Variants in SLC9A9 observed in about 807,000 individuals in gnomAD.
SLC9A9 encodes the protein solute carrier family 9 member A9, also known as sodium/hydrogen exchanger 9.
SLC9A9 carries 62 observed loss-of-function variants against 77.8 expected under a neutral mutation model. The observed-to-expected ratio is 0.80, with a 90% confidence interval of 0.65 to 0.98. The LOEUF (loss-of-function observed/expected upper bound fraction) is 0.98, where lower values mean the gene tolerates loss of function less well. Among genes scored for constraint, SLC9A9 ranks in the 50% least tolerant of loss-of-function variants. SLC9A9 has a pLI of 0.00. For synonymous variants in SLC9A9, 320 were observed against 283.5 expected (o/e 1.13, Z -1.29); for missense variants, 775 against 774.9 (o/e 1.00, Z 0.00).
At chr3:143,309,789 A>G (rs2030949826) in intron 14 of SLC9A9, among the ~76,000 whole-genome samples, 1 of 152,104 alleles carries the variant, frequency 6.6e-6, no homozygotes, top group African/African-American at 2.4e-5. Flanking sequence ...GTGAATTCCC[A>G]CTAGGTCTCT....
intron 12 of SLC9A9, among the ~76,000 whole-genome samples, chr3:143,423,248 TACACACACACACAC>T (rs377276883): frequency 0.013 from 1,895 of 143,832 alleles, 32 homozygotes; most frequent in South Asian, 0.043. Flanking sequence ...CACGCGCGTG[TACACACACACACAC>T]ACACACACAC....
At chr3:143,772,347 G>A (rs2007552467) in intron 4 of SLC9A9, among the ~76,000 whole-genome samples, 1 of 152,132 alleles carries the variant, frequency 6.6e-6, no homozygotes, top group Admixed American at 6.5e-5. Flanking sequence ...CAGTTACCCA[G>A]CATAGTAAAG....
At chr3:143,294,842 A>G (rs1168002087) in intron 14 of SLC9A9, among the ~76,000 whole-genome samples, 1 of 152,250 alleles carries the variant, frequency 6.6e-6, no homozygotes, top group East Asian at 1.9e-4. Context: ...CTTTCTACAC[A>G]TAGCCCAGGC....
intron 4 of SLC9A9, among the ~76,000 whole-genome samples, chr3:143,693,909 G>T (rs1050501254): frequency 1.3e-5 from 2 of 152,118 alleles, no homozygotes; most frequent in African/African-American, 4.8e-5. Context: ...GTTGCATTGC[G>T]ATCTTTCAAG....
At chr3:143,744,176 T>G (rs1935148659) in intron 4 of SLC9A9, among the ~76,000 whole-genome samples, 1 of 152,184 alleles carries the variant, frequency 6.6e-6, no homozygotes, top group African/African-American at 2.4e-5. Flanking sequence ...TTTAAAGAAT[T>G]TTAAAGCACA....
intron 12 of SLC9A9, among the ~76,000 whole-genome samples, chr3:143,457,410 C>G (rs950238564): frequency 5.3e-5 from 8 of 152,216 alleles, no homozygotes; most frequent in Non-Finnish European, 1.2e-4. Flanking sequence ...TTTCAAAGAA[C>G]CAGGTTTTGG....
At chr3:143,414,580 A>AC (rs1201130602) in intron 12 of SLC9A9, among the ~76,000 whole-genome samples, 2 of 152,160 alleles carry the variant, frequency 1.3e-5, no homozygotes, top group Non-Finnish European at 2.9e-5. Context: ...CTTTGATGTT[A>AC]CTGTTTTGTA....
intron 9 of SLC9A9, among the ~76,000 whole-genome samples, chr3:143,522,165 T>G (rs2036312589): frequency 6.6e-6 from 1 of 152,168 alleles, no homozygotes; most frequent in Non-Finnish European, 1.5e-5. Flanking sequence ...ACTTGAGGTT[T>G]AAATTTCTTA....
At chr3:143,641,856 G>A (rs562022386) in intron 6 of SLC9A9, among the ~76,000 whole-genome samples, 15 of 151,872 alleles carry the variant, frequency 9.9e-5, no homozygotes, top group South Asian at 4.2e-4. Flanking sequence ...TCAGTGTCCC[G>A]TCTTTGAATA....
At chr3:143,573,136 G>T (rs1473003316) in intron 8 of SLC9A9, among the ~76,000 whole-genome samples, 1 of 152,166 alleles carries the variant, frequency 6.6e-6, no homozygotes, top group Non-Finnish European at 1.5e-5. Flanking sequence ...CAGCTGGCCA[G>T]CATCTGGCTC....
At chr3:143,711,466 C>T (rs1934192347) in intron 4 of SLC9A9, among the ~76,000 whole-genome samples, 2 of 151,900 alleles carry the variant, frequency 1.3e-5, no homozygotes, top group Non-Finnish European at 1.5e-5. Flanking sequence ...GGCTGGAGTG[C>T]GGTGGTGCTC....
At chr3:143,677,579 A>G (rs1932925140) in intron 5 of SLC9A9, among the ~76,000 whole-genome samples, 1 of 152,204 alleles carries the variant, frequency 6.6e-6, no homozygotes. Flanking sequence ...AGCTTTGCCA[A>G]ATTACTTTCC....
chr3:143,419,707 G>T (rs1012619500), intron 12 of SLC9A9, among the ~76,000 whole-genome samples: 4 of 152,128 alleles, frequency 2.6e-5, no homozygotes, highest in Admixed American at 2.6e-4. Flanking sequence ...TCTAGCGGGG[G>T]ATCCAGATAA....
At chr3:143,284,218 G>C (rs1327828779) in intron 14 of SLC9A9, among the ~76,000 whole-genome samples, 7 of 152,056 alleles carry the variant, frequency 4.6e-5, no homozygotes, top group African/African-American at 1.7e-4. Context: ...CTTTGTAACT[G>C]TGAACAGGCA....
At chr3:143,776,488 A>G (rs1437356119) in intron 4 of SLC9A9, among the ~76,000 whole-genome samples, 2 of 152,228 alleles carry the variant, frequency 1.3e-5, no homozygotes, top group Non-Finnish European at 2.9e-5. Flanking sequence ...AATGCACTAT[A>G]AAATCAACAC....
chr3:143,592,455 T>G (rs1363309336), intron 6 of SLC9A9, among the ~76,000 whole-genome samples: 2 of 152,218 alleles, frequency 1.3e-5, no homozygotes, highest in African/African-American at 4.8e-5. Flanking sequence ...CCATGACTTT[T>G]GCACTCTTCC....
chr3:143,361,400 C>T (rs1260959916), intron 14 of SLC9A9, among the ~76,000 whole-genome samples: 2 of 152,186 alleles, frequency 1.3e-5, no homozygotes, highest in Non-Finnish European at 1.5e-5. Flanking sequence ...CTGGTGGTGG[C>T]TGGCATAGCC....
At chr3:143,637,409 A>G (rs543069540) in intron 6 of SLC9A9, among the ~76,000 whole-genome samples, 3 of 152,364 alleles carry the variant, frequency 2.0e-5, no homozygotes, top group South Asian at 4.1e-4. Flanking sequence ...TATCTTTTAA[A>G]TTAACCCATT....
intron 5 of SLC9A9, among the ~76,000 whole-genome samples, chr3:143,692,870 T>A (rs947803815): frequency 2.0e-5 from 3 of 152,162 alleles, no homozygotes; most frequent in Non-Finnish European, 4.4e-5. Flanking sequence ...AGTTTATGAA[T>A]TTGTGTTGGC....
Sources: gnomAD v4.1 joint callset for allele counts (sites outside exome capture counted in the v4.1 genomes callset) on GRCh38, gnomAD v4.1.1 for gene constraint, MANE v1.5 for transcripts, NCBI Gene and HGNC (gene_info 2026-07-23, HGNC 2026-07-21) for gene names.